The following ZMYM4 variants were observed in gnomAD, a reference collection of about 807,000 sequenced individuals.
ZMYM4 encodes the protein zinc finger MYM-type protein 4.
In ZMYM4, 31 loss-of-function variants were observed where a neutral mutation model predicts 183.2. The observed-to-expected ratio is 0.17, with a 90% CI of 0.13 to 0.23. The LOEUF (loss-of-function observed/expected upper bound fraction) is 0.23. ZMYM4 is among the 10% of genes least tolerant of loss of function. The pLI is 1.00. For missense variants in ZMYM4, 1,273 were observed against 1,840.3 expected, an observed-to-expected ratio of 0.69 and a Z score of 5.64; for synonymous variants, 592 against 631.2, an observed-to-expected ratio of 0.94 and a Z score of 0.93.
At chr1:35,397,881 T>TA (rs1269273225) in intron 20 of ZMYM4, among the ~76,000 whole-genome samples, 3 of 152,146 alleles carry the variant, frequency 2.0e-5, no homozygotes, top group Non-Finnish European at 2.9e-5. Flanking sequence ...AGCATGCTGG[T>TA]AGAGGGTAAA....
intron 2 of ZMYM4, among the ~76,000 whole-genome samples, chr1:35,347,406 A>C: frequency 6.6e-6 from 1 of 152,212 alleles, no homozygotes; most frequent in East Asian, 1.9e-4. Context: ...TATGAGAGTA[A>C]AAAAATGAAG....
chr1:35,354,451 C>T (rs1041737134), intron 2 of ZMYM4, among the ~76,000 whole-genome samples: 11 of 151,954 alleles, frequency 7.2e-5, no homozygotes, highest in Admixed American at 2.0e-4. Context: ...TTGGGCTGGG[C>T]GTGGTGTCAA....
chr1:35,311,267 A>G (rs1641783867), intron 1 of ZMYM4, among the ~76,000 whole-genome samples: 1 of 151,988 alleles, frequency 6.6e-6, no homozygotes, highest in South Asian at 2.1e-4. Flanking sequence ...TAAAAACACA[A>G]AAAAATTAGC....
chr1:35,269,219 C>T (rs1352598481), intron 1 of ZMYM4, 134 bp downstream of exon 1: 2 of 905,422 alleles, frequency 2.2e-6, no homozygotes, highest in African/African-American at 1.9e-5. Context: ...TCTGAGGCAG[C>T]CTTGGGTCCG....
intron 7 of ZMYM4, 138 bp from the exon 8 acceptor site, chr1:35,381,121 T>G (rs1476231319): frequency 4.5e-6 from 3 of 669,098 alleles, no homozygotes; most frequent in Non-Finnish European, 6.9e-6. Flanking sequence ...TCCCAGAAAA[T>G]TAAAGTTTTT....
Position 35,358,363 on chromosome 1 carries a change from G to A in ZMYM4, c.86-562G>A, listed in dbSNP as rs530664413. ...TTTTTATGTGTAAGTATTAACTGCCGTCAGTGTTTATTAGTGTTAGTGCAG... is the reference window on the plus strand; with the variant it reads ...TTTTTATGTGTAAGTATTAACTGCCATCAGTGTTTATTAGTGTTAGTGCAG... On this transcript the variant is annotated intron_variant, in intron 2 of 29. Coordinates refer to ENST00000314607, the MANE Select transcript of ZMYM4 (RefSeq NM_005095.3). 9.9e-5 allele frequency among the ~76,000 whole-genome samples: 15 copies of A among 152,226 alleles called. 2 individuals are homozygous for A. The highest frequency in any genetic ancestry group is 2.9e-4 in the African/African-American group (12 of 41,542).
Position 35,390,067 on chromosome 1 carries a change from T to A in ZMYM4, c.2556T>A (p.Ser852Arg). The A allele has an allele frequency of 6.2e-7, 1 of 1,613,876 alleles. No individual in the cohort carries two copies. The highest frequency in any genetic ancestry group is 2.2e-5 in the East Asian group (1 of 44,866). ...TCTTGATGTTCTGTAATCAGCAAAG[T>A]GTATGTGACCCGCCTTCACAAAATA... is the stretch of plus-strand genomic sequence containing the variant. ...LCILMFCNQQ[S>R]VCDPPSQNNA... Residue 852 changes from serine (S) to arginine (R), a missense_variant, in exon 15 of 30, where the codon AGT becomes AGA. Physicochemically the swap from Ser to Arg is moderately radical, Grantham distance 110 (BLOSUM62 -1). Transcript: ENST00000314607.
chr1:35,415,704 G>A lies in ZMYM4; in HGVS notation c.4299G>A (p.Glu1433=), dbSNP rs1640087076. Residue 1433 remains glutamate, a synonymous_variant, in exon 28 of 30, where the codon GAG becomes GAA. Coordinates refer to ENST00000314607, the MANE Select transcript of ZMYM4 (RefSeq NM_005095.3). Reference sequence around the variant, plus strand: ...TCTTCCCACCTTTACAGAAGCAGGAGTCAGAACCAGGTACGGGATACTGTT... The same window carrying A: ...TCTTCCCACCTTTACAGAAGCAGGAATCAGAACCAGGTACGGGATACTGTT... ...LRFFPPLQKQ[E]SEPDKLTVGK... 1.1e-5 allele frequency: 18 copies of A among 1,611,734 alleles called. No individual in the cohort carries two copies. The highest frequency in any genetic ancestry group is 1.4e-5 in the Non-Finnish European group (17 of 1,180,006).
intron 1 of ZMYM4, among the ~76,000 whole-genome samples, chr1:35,318,328 G>T (rs954995105): frequency 6.6e-5 from 10 of 152,180 alleles, no homozygotes; most frequent in Admixed American, 2.0e-4. Context: ...AAAATGCTGG[G>T]ATTATAGGGG....
chr1:35,279,607 TC>T (rs1640044410), intron 1 of ZMYM4, among the ~76,000 whole-genome samples: 1 of 152,240 alleles, frequency 6.6e-6, no homozygotes, highest in Non-Finnish European at 1.5e-5. Context: ...TGCTTAAAGT[TC>T]CTTCTTCAAT....
chr1:35,285,175 G>A lies in ZMYM4; in HGVS notation c.39+16090G>A, dbSNP rs531624085. ...TATTTGGGGTGTGTTGAAATTTCAC[G>A]TGAAATTTAGGATGGTTTTTTCCTA... On this transcript the variant is annotated intron_variant, in intron 1 of 29. Coordinates refer to ENST00000314607, the MANE Select transcript of ZMYM4 (RefSeq NM_005095.3). Among the ~76,000 whole-genome samples the A allele has an allele frequency of 4.0e-4, 60 of 151,736 alleles. 1 individual carries two copies. The highest frequency in any genetic ancestry group is 1.2e-3 in the African/African-American group (49 of 41,354).
chr1:35,389,929 ACTAC>A lies in ZMYM4; in HGVS notation c.2437-16_2437-13del. 6.3e-7 allele frequency: 1 copy of A among 1,596,364 alleles called. No homozygotes were observed. The highest frequency in any genetic ancestry group is 8.6e-7 in the Non-Finnish European group (1 of 1,167,516). On this transcript the variant is annotated splice_polypyrimidine_tract_variant and intron_variant, in intron 14 of 29. Coordinates refer to ENST00000314607, the MANE Select transcript of ZMYM4 (RefSeq NM_005095.3). The surrounding 1 kb of genome is among the most constrained non-coding windows in gnomAD (Gnocchi z 4.0). The stretch of plus-strand genomic sequence containing the variant: ...CAGATAATTTGTTTCTTACTCCTTG[ACTAC>A]CTTCTTCTTTTTAGATGGCCAAATG...
Sources: allele counts gnomAD v4.1 joint callset (sites outside exome capture counted in the v4.1 genomes callset), GRCh38; gene constraint gnomAD v4.1.1; non-coding constraint Gnocchi (gnomAD v3.1); transcripts MANE v1.5; gene names NCBI Gene and HGNC (gene_info 2026-07-23, HGNC 2026-07-21).